Variants in PHYHIP observed in about 807,000 individuals in gnomAD.
PHYHIP encodes the protein phytanoyl-CoA hydroxylase-interacting protein.
Under a neutral mutation model 26.1 loss-of-function variants are expected in PHYHIP, and 7 were observed. The ratio of observed to expected loss-of-function variants is 0.27; its 90% CI spans 0.15 to 0.50. The LOEUF is 0.50. PHYHIP is among the 20% of genes least tolerant of loss of function. The probability of loss-of-function intolerance (pLI) is 0.98; values close to 1 mark genes in which losing one functional copy is unlikely to be tolerated. For synonymous variants in PHYHIP, 206 were observed against 183.4 expected, an observed-to-expected ratio of 1.12 and a Z score of -1.00; for missense variants, 232 against 454.7, an observed-to-expected ratio of 0.51 and a Z score of 4.45.
At position 22,221,549 on chromosome 8, in the gene PHYHIP, G is replaced by C; in HGVS notation, c.797C>G (p.Thr266Ser). The stretch of plus-strand genomic sequence containing the variant: ...CAGCTCCCCATCCTCCACGCTGCAG[G>C]TCAGGAACTTGTTGCAAGCAATGTC... ...LLDIACNKFL[T>S]CSVEDGELVF... The change falls in exon 5 of 5, where the codon ACC becomes AGC. Residue 266 changes from threonine (T) to serine (S), a missense_variant. Coordinates refer to ENST00000454243, the MANE Select transcript of PHYHIP (RefSeq NM_014759.5). This position sits in a 1 kb window ranked among gnomAD's most constrained non-coding sequence, Gnocchi z 7.9. The C allele has an allele frequency of 1.9e-6, 3 of 1,614,154 alleles. No homozygotes were observed. The highest frequency in any genetic ancestry group is 1.7e-6 in the Non-Finnish European group (2 of 1,180,012).
At chr8:22,227,839 A>G (rs930899440) in intron 2 of PHYHIP, 10 of 408,488 alleles carry the variant, frequency 2.4e-5, no homozygotes, top group African/African-American at 1.8e-4. Context: ...CGTCATCCCC[A>G]TAGGCGAAGC....
chr8:22,221,236 C>T lies in PHYHIP; in HGVS notation c.*117G>A. On this transcript the variant is annotated 3_prime_UTR_variant, in exon 5 of 5. Coordinates refer to ENST00000454243, the MANE Select transcript of PHYHIP (RefSeq NM_014759.5). This position sits in a 1 kb window ranked among gnomAD's most constrained non-coding sequence, Gnocchi z 7.9. ...ATGCCAAGGGGCGAGGGGAGGGCAG[C>T]TGGGCAGAGTGGAGGGAGCAGGGGG... 9.9e-7 allele frequency: 1 copy of T among 1,010,534 alleles called. No individual in the cohort carries two copies. The highest frequency in any genetic ancestry group is 1.4e-6 in the Non-Finnish European group (1 of 710,502). 62.6% of individuals were successfully genotyped at this position (1,010,534 alleles called of 1,614,324 possible).
intron 1 of PHYHIP, among the ~76,000 whole-genome samples, chr8:22,230,521 C>T (rs775257369): frequency 6.6e-6 from 1 of 152,098 alleles, no homozygotes; most frequent in Non-Finnish European, 1.5e-5. Context: ...AAGTTCTCTA[C>T]ACCCAGAAGA....
At chr8:22,224,012 G>C (rs948570417) in intron 4 of PHYHIP, 4 of 543,040 alleles carry the variant, frequency 7.4e-6, no homozygotes, top group African/African-American at 3.8e-5. Context: ...TCTTGCAGAA[G>C]GCCCTGTCCC....
At position 22,220,567 on chromosome 8, in the gene PHYHIP, C is replaced by T; in HGVS notation, c.*786G>A. The T allele has an allele frequency of 6.6e-6, 1 of 152,498 alleles. No homozygotes were observed. 9.4% of individuals were successfully genotyped at this position (152,498 alleles called of 1,614,324 possible). A position where few individuals can be genotyped will look rare whatever the true frequency, so the allele number is the denominator to read the frequency against. On this transcript the variant is annotated 3_prime_UTR_variant, in exon 5 of 5. Coordinates refer to ENST00000454243, the MANE Select transcript of PHYHIP (RefSeq NM_014759.5). ...CTCTGGGTCTCAGGGGTCTCCTCCC[C>T]CTCCTCAACCCCAGTGGCTGCTGTC...
rs1829700328 is a variant in PHYHIP, at chr8:22,224,411, A to C, written c.341-68T>G. ...AGGAGCACAAACACCTCCTGTCCCC[A>C]CCCCACCCCACACTGTGTGTGCCGG... On this transcript the variant is annotated intron_variant, in intron 3 of 4. Coordinates refer to ENST00000454243, the MANE Select transcript of PHYHIP (RefSeq NM_014759.5). The C allele has an allele frequency of 1.2e-5, 10 of 860,610 alleles. No homozygotes were observed. In the Admixed American group the frequency reaches 1.7e-4, roughly 15 times the overall value. 53.3% of individuals were successfully genotyped at this position (860,610 alleles called of 1,614,324 possible). A position where few individuals can be genotyped will look rare whatever the true frequency, so the allele number is the denominator to read the frequency against.
Position 22,223,084 on chromosome 8 carries a change from C to T in PHYHIP, c.458+1142G>A, listed in dbSNP as rs551053366. Among the ~76,000 whole-genome samples the T allele has an allele frequency of 2.0e-4, 30 of 152,118 alleles. 1 individual carries two copies. The highest frequency in any genetic ancestry group is 6.0e-4 in the African/African-American group (25 of 41,506). On this transcript the variant is annotated intron_variant, in intron 4 of 4. Transcript: ENST00000454243. ...TGTAAGGATAAAGACAGACAGAGGCCGGGCGTGGTGGCTCATGCCTGTAAT... is the reference window on the plus strand; with the variant it reads ...TGTAAGGATAAAGACAGACAGAGGCTGGGCGTGGTGGCTCATGCCTGTAAT...
intron 1 of PHYHIP, among the ~76,000 whole-genome samples, chr8:22,230,752 C>A (rs1829850443): frequency 6.6e-6 from 1 of 152,162 alleles, no homozygotes; most frequent in Non-Finnish European, 1.5e-5. Context: ...GTGCCTGCTG[C>A]CACCTTCCAC....
At chr8:22,224,138 G>T in intron 4 of PHYHIP, 88 bp downstream of exon 4, 1 of 797,068 alleles carries the variant, frequency 1.3e-6, no homozygotes. Flanking sequence ...ACGAGGGTGG[G>T]GGTGACCTCA....
At chr8:22,224,490 A>G in intron 3 of PHYHIP, 147 bp from the exon 4 acceptor site, 1 of 614,040 alleles carries the variant, frequency 1.6e-6, no homozygotes, top group African/African-American at 1.8e-5. Flanking sequence ...CAGAACCTTA[A>G]ACTCAGATGG....
At chr8:22,223,450 CG>C (rs1829675096) in intron 4 of PHYHIP, among the ~76,000 whole-genome samples, 1 of 151,856 alleles carries the variant, frequency 6.6e-6, no homozygotes, top group African/African-American at 2.4e-5. Flanking sequence ...CCAGCAGGCC[CG>C]GGGATGGTGG....
chr8:22,223,862 T>TAAAAA, intron 4 of PHYHIP: 8 of 192,388 alleles, frequency 4.2e-5, no homozygotes, highest in Non-Finnish European at 7.4e-5. Context: ...GAACACTCAT[T>TAAAAA]TTGTGCACTC....
In PHYHIP at chr8:22,221,059, C is replaced by A; in HGVS notation, c.*294G>T. On this transcript the variant is annotated 3_prime_UTR_variant, in exon 5 of 5. Coordinates refer to ENST00000454243, the MANE Select transcript of PHYHIP (RefSeq NM_014759.5). The surrounding 1 kb of genome is among the most constrained non-coding windows in gnomAD (Gnocchi z 7.9). ...TTGGGAGATAGAGACCTGGACGAGGCAAAGAACAGTAGGACAAGGAAACCA... is the reference window on the plus strand; with the variant it reads ...TTGGGAGATAGAGACCTGGACGAGGAAAAGAACAGTAGGACAAGGAAACCA... The A allele has an allele frequency of 2.6e-6, 1 of 380,412 alleles. No homozygotes were observed. Among genetic ancestry groups the A allele is most frequent in the Non-Finnish European group, 4.8e-6 (1 of 210,162 alleles). 23.6% of individuals were successfully genotyped at this position (380,412 alleles called of 1,614,324 possible).
intron 3 of PHYHIP, among the ~76,000 whole-genome samples, chr8:22,225,353 T>C (rs1254630055): frequency 6.6e-6 from 1 of 152,102 alleles, no homozygotes; most frequent in African/African-American, 2.4e-5. Context: ...GGCATGTGCC[T>C]GTAGTTCCAG....
intron 3 of PHYHIP, among the ~76,000 whole-genome samples, chr8:22,225,508 A>G (rs1358022143): frequency 6.6e-6 from 1 of 151,972 alleles, no homozygotes; most frequent in Non-Finnish European, 1.5e-5. Context: ...AATAAAAATG[A>G]AAAAGGCCAG....
intron 1 of PHYHIP, 48 bp from the exon 2 acceptor site, chr8:22,228,434 T>C: frequency 9.0e-7 from 1 of 1,107,478 alleles, no homozygotes. Flanking sequence ...CCGGCGAGCT[T>C]TCTGGAATGT....
intron 2 of PHYHIP, chr8:22,227,522 C>T (rs899370172): frequency 1.8e-5 from 8 of 439,860 alleles, no homozygotes; most frequent in African/African-American, 4.0e-5. Flanking sequence ...GAGTAACCCA[C>T]GCCGGTGCCG....
At chr8:22,223,480 C>G (rs902987861) in intron 4 of PHYHIP, among the ~76,000 whole-genome samples, 11 of 152,018 alleles carry the variant, frequency 7.2e-5, no homozygotes, top group African/African-American at 1.4e-4. Context: ...GGTCCTGCCT[C>G]ACATTGCCTG....
chr8:22,224,935 T>C (rs1167492267), intron 3 of PHYHIP, among the ~76,000 whole-genome samples: 3 of 152,164 alleles, frequency 2.0e-5, no homozygotes, highest in Non-Finnish European at 2.9e-5. Context: ...GATAGCAACA[T>C]TGAACCCTGG....
Sources: allele counts gnomAD v4.1 joint callset (sites outside exome capture counted in the v4.1 genomes callset), GRCh38; gene constraint gnomAD v4.1.1; non-coding constraint Gnocchi (gnomAD v3.1); transcripts MANE v1.5; gene names NCBI Gene and HGNC (gene_info 2026-07-23, HGNC 2026-07-21).